RGMA: variants seen among roughly 807,000 people sequenced by gnomAD.
The protein encoded by RGMA is repulsive guidance molecule A.
In RGMA, 10 loss-of-function variants were observed where a neutral mutation model predicts 23.2. The ratio of observed to expected loss-of-function variants is 0.43; its 90% CI spans 0.27 to 0.73. The LOEUF (loss-of-function observed/expected upper bound fraction) is 0.73. Among genes scored for constraint, RGMA ranks in the 30% least tolerant of loss-of-function variants. The probability of loss-of-function intolerance (pLI) is 0.20; values close to 1 mark genes in which losing one functional copy is unlikely to be tolerated. For synonymous variants in RGMA, 308 were observed against 279.3 expected (o/e 1.10, Z -1.03); for missense variants, 547 against 630.5 (o/e 0.87, Z 1.42).
intron 1 of RGMA, among the ~76,000 whole-genome samples, chr15:93,086,198 A>G (rs1487458498): frequency 2.0e-5 from 3 of 152,238 alleles, no homozygotes; most frequent in African/African-American, 4.8e-5. Context: ...AACACCACAG[A>G]CACTTAAAAG....
Position 93,038,067 on chromosome 15 carries a change from C to T in RGMA, c.*6931G>A, listed in dbSNP as rs1274823674. The T allele has an allele frequency of 6.6e-6, 1 of 152,202 alleles. No homozygotes were observed. Among genetic ancestry groups the T allele is most frequent in the African/African-American group, 2.4e-5 (1 of 41,420 alleles). The allele number at this position is 152,202 out of a possible 1,614,324, so 9.4% of individuals were successfully genotyped here. The stretch of plus-strand genomic sequence containing the variant: ...TCTGCTACTAACACCATGTCTATAT[C>T]TTAGGGAGGGAAGGATTAAAAAGTC... On this transcript the variant is annotated 3_prime_UTR_variant, in exon 4 of 4. Transcript: ENST00000329082.
At chr15:93,081,958 G>A (rs189471188) in intron 1 of RGMA, among the ~76,000 whole-genome samples, 1 of 152,202 alleles carries the variant, frequency 6.6e-6, no homozygotes, top group Non-Finnish European at 1.5e-5. Context: ...ATATTACAGA[G>A]GCAATATAGC....
intron 3 of RGMA, among the ~76,000 whole-genome samples, chr15:93,046,404 A>G (rs1265469886): frequency 6.6e-6 from 1 of 152,214 alleles, no homozygotes; most frequent in Non-Finnish European, 1.5e-5. Context: ...CCTTGATTTT[A>G]TCCCCACGAG....
Position 93,073,038 on chromosome 15 carries a change from G to T in RGMA, c.15-7C>A, listed in dbSNP as rs545717658. 1.3e-6 allele frequency: 2 copies of T among 1,554,492 alleles called. No homozygotes were observed. Among genetic ancestry groups the T allele is most frequent in the Admixed American group, 3.8e-5 (2 of 52,586 alleles). On this transcript the variant is annotated splice_polypyrimidine_tract_variant and splice_region_variant and intron_variant, in intron 1 of 3. Transcript: ENST00000329082. ...TGTTACCACTAGCCTCTCCCTGGAAGAAGAGTTCAGAAAAAAAGAAGAAAA... is the reference window on the plus strand; with the variant it reads ...TGTTACCACTAGCCTCTCCCTGGAATAAGAGTTCAGAAAAAAAGAAGAAAA...
intron 2 of RGMA, among the ~76,000 whole-genome samples, chr15:93,061,627 G>C (rs1894969422): frequency 6.6e-6 from 1 of 152,218 alleles, no homozygotes; most frequent in Non-Finnish European, 1.5e-5. Flanking sequence ...AAAACTCACA[G>C]CCACACAGCA....
chr15:93,052,484 TGAG>T lies in RGMA; in HGVS notation c.151_153del (p.Leu51del). ...GCGCTCCAGAACTCAGAGTTGCACT[TGAG>T]GATCTTGCACGGGGAGGTGGCTGAG... On this transcript the variant is annotated inframe_deletion, in exon 3 of 4. Coordinates refer to ENST00000329082, the MANE Select transcript of RGMA (RefSeq NM_020211.3). 4.4e-6 allele frequency: 7 copies of T among 1,577,050 alleles called. No individual in the cohort carries two copies. The highest frequency in any genetic ancestry group is 6.0e-6 in the Non-Finnish European group (7 of 1,162,840).
intron 2 of RGMA, among the ~76,000 whole-genome samples, chr15:93,057,439 C>G (rs1239258282): frequency 6.6e-6 from 1 of 152,144 alleles, no homozygotes; most frequent in Non-Finnish European, 1.5e-5. Context: ...CCTCCTTCTG[C>G]CACGTGAGGA....
intron 2 of RGMA, among the ~76,000 whole-genome samples, chr15:93,072,463 C>T (rs960117497): frequency 6.6e-6 from 1 of 152,140 alleles, no homozygotes; most frequent in Non-Finnish European, 1.5e-5. Flanking sequence ...AGGGGGCTGT[C>T]GGGAACTCGG....
In RGMA at chr15:93,064,741, G is replaced by C. The variant is rs561680783; in HGVS notation, c.130+8175C>G. Reference sequence around the variant, plus strand: ...AGCAAAACCCAACAGACATAAATCTGACTTGGGAACATGTGCACAATGACA... The same window carrying C: ...AGCAAAACCCAACAGACATAAATCTCACTTGGGAACATGTGCACAATGACA... On this transcript the variant is annotated intron_variant, in intron 2 of 3. Transcript: ENST00000329082. 7.2e-4 allele frequency among the ~76,000 whole-genome samples: 110 copies of C among 152,332 alleles called. 1 individual carries two copies. The highest frequency in any genetic ancestry group is 2.5e-3 in the African/African-American group (106 of 41,574).
At position 93,037,677 on chromosome 15, in the gene RGMA, T is replaced by C. The variant is rs1214730793; in HGVS notation, c.*7321A>G. On this transcript the variant is annotated 3_prime_UTR_variant, in exon 4 of 4. Transcript: ENST00000329082. The surrounding 1 kb of genome is among the most constrained non-coding windows in gnomAD (Gnocchi z 4.3). ...CTCAAAACCAATTCCCCAGACAGTG[T>C]CTGAACACGTCTTTGTTCTTCTCTG... 4 of 152,214 alleles carry C rather than the reference T, an allele frequency of 2.6e-5. No individual in the cohort carries two copies. The highest frequency in any genetic ancestry group is 5.9e-5 in the Non-Finnish European group (4 of 68,040). 9.4% of individuals were successfully genotyped at this position (152,214 alleles called of 1,614,324 possible).
At chr15:93,073,220 C>T in intron 1 of RGMA, 189 bp from the exon 2 acceptor site, 1 of 1,132,212 alleles carries the variant, frequency 8.8e-7, no homozygotes, top group African/African-American at 1.6e-5. Context: ...GGTTCTCCGC[C>T]AATGTCGACG....
intron 3 of RGMA, among the ~76,000 whole-genome samples, chr15:93,050,932 G>A (rs1349207171): frequency 2.0e-5 from 3 of 152,204 alleles, no homozygotes; most frequent in African/African-American, 7.2e-5. Context: ...GGAGGTGCAG[G>A]GGCCGTGGGG....
chr15:93,064,725 C>T (rs1037894834), intron 2 of RGMA, among the ~76,000 whole-genome samples: 2 of 152,226 alleles, frequency 1.3e-5, no homozygotes, highest in African/African-American at 4.8e-5. Flanking sequence ...AAGCAAAACC[C>T]AACAGACATA....
At chr15:93,087,456 T>C (rs1288067836) in intron 1 of RGMA, among the ~76,000 whole-genome samples, 9 of 87,240 alleles carry the variant, frequency 1.0e-4, no homozygotes, top group Non-Finnish European at 1.9e-4. Flanking sequence ...ACCCCTTCTT[T>C]GTATGTGCAA....
At chr15:93,063,289 G>A (rs140779309) in intron 2 of RGMA, among the ~76,000 whole-genome samples, 1,544 of 152,330 alleles carry the variant, frequency 0.01, 27 homozygotes, top group African/African-American at 0.033. Context: ...TATGTCCCCC[G>A]TTCAAAGGAG....
chr15:93,052,871 T>C (rs1003341010), intron 2 of RGMA, among the ~76,000 whole-genome samples: 15 of 152,198 alleles, frequency 9.9e-5, no homozygotes, highest in African/African-American at 3.1e-4. Context: ...CCCAAGAATT[T>C]TGGCTAAAGC....
intron 1 of RGMA, among the ~76,000 whole-genome samples, chr15:93,085,379 T>C (rs1375104963): frequency 6.6e-6 from 1 of 152,250 alleles, no homozygotes; most frequent in African/African-American, 2.4e-5. Flanking sequence ...TTGGCCTCCT[T>C]TGACCAGATA....
At chr15:93,068,250 G>A (rs1895219053) in intron 2 of RGMA, among the ~76,000 whole-genome samples, 1 of 152,146 alleles carries the variant, frequency 6.6e-6, no homozygotes, top group South Asian at 2.1e-4. Context: ...TTGCCAAGCA[G>A]CAAAACAGCA....
At chr15:93,068,339 G>A (rs1224731896) in intron 2 of RGMA, among the ~76,000 whole-genome samples, 1 of 142,362 alleles carries the variant, frequency 7.0e-6, no homozygotes, top group Non-Finnish European at 1.6e-5. Context: ...TTTCACCAAA[G>A]ACAAGATCTC....
Sources: allele counts gnomAD v4.1 joint callset (sites outside exome capture counted in the v4.1 genomes callset), GRCh38; gene constraint gnomAD v4.1.1; non-coding constraint Gnocchi (gnomAD v3.1); transcripts MANE v1.5; gene names NCBI Gene and HGNC (gene_info 2026-07-23, HGNC 2026-07-21).